The following AGL variants were observed in gnomAD, a reference collection of about 807,000 sequenced individuals.
AGL encodes glycogen debranching enzyme.
Under a neutral mutation model 199.3 loss-of-function variants are expected in AGL, and 128 were observed. That is an observed-to-expected ratio of 0.64 (90% CI 0.56 to 0.74). AGL has a LOEUF of 0.74. Among genes scored for constraint, AGL ranks in the 30% least tolerant of loss-of-function variants. The probability of loss-of-function intolerance (pLI) is 0.00; values close to 1 mark genes in which losing one functional copy is unlikely to be tolerated. For missense variants in AGL, 1,809 were observed against 1,820.8 expected (o/e 0.99, Z 0.12); for synonymous variants, 584 against 594.7 (o/e 0.98, Z 0.26).
chr1:99,856,477 GGGTGTTTCTCGCA>G, intron 2 of AGL, among the ~76,000 whole-genome samples: 1 of 147,178 alleles, frequency 6.8e-6, no homozygotes, highest in East Asian at 2.0e-4. Context: ...GATCATTCTT[GGGTGTTTCTCGCA>G]GAGGGGGATT....
At position 99,884,349 on chromosome 1, in the gene AGL, G is replaced by A; in HGVS notation, c.2444G>A (p.Ser815Asn). Residue 815 changes from serine to asparagine, a missense_variant, in exon 19 of 34, where the codon AGT (serine) becomes AAT (asparagine). Transcript: ENST00000361915. ...GTACTTTTTTTCAAGCTTAATGAAA[G>A]TAAAATTGTTAAACAAGCTGGAGTT... Reference protein sequence around the residue: ...EIREHIQLNESKIVKQAGVAT... With the variant: ...EIREHIQLNENKIVKQAGVAT... 6.2e-7 allele frequency: 1 copy of A among 1,610,410 alleles called. No individual in the cohort carries two copies. Among genetic ancestry groups the A allele is most frequent in the Non-Finnish European group, 8.5e-7 (1 of 1,177,644 alleles).
chr1:99,879,782 A>G (rs1306837505), intron 12 of AGL, 141 bp from the exon 13 acceptor site: 43 of 690,310 alleles, frequency 6.2e-5, no homozygotes, highest in Non-Finnish European at 9.3e-5. Context: ...TCTTGTTTCT[A>G]TGTGTTTTGG....
chr1:99,876,843 A>G (rs1651582574), intron 11 of AGL, among the ~76,000 whole-genome samples: 1 of 152,182 alleles, frequency 6.6e-6, no homozygotes, highest in African/African-American at 2.4e-5. Flanking sequence ...ACTTTTATGT[A>G]CTGTTTTCTA....
intron 5 of AGL, among the ~76,000 whole-genome samples, chr1:99,866,256 T>C (rs1014401654): frequency 6.6e-6 from 1 of 152,232 alleles, no homozygotes; most frequent in African/African-American, 2.4e-5. Flanking sequence ...CATAAGCAGC[T>C]ATAACAGAAA....
chr1:99,902,011 ATAAT>A (rs1174038478), intron 26 of AGL, among the ~76,000 whole-genome samples: 4 of 151,998 alleles, frequency 2.6e-5, no homozygotes, highest in Non-Finnish European at 5.9e-5. Flanking sequence ...TATAATTTTT[ATAAT>A]TAATAGTAGA....
At chr1:99,849,651 T>C (rs1228756893), upstream of AGL, among the ~76,000 whole-genome samples, 1 of 152,190 alleles carries the variant, frequency 6.6e-6, no homozygotes, top group Admixed American at 6.5e-5. Context: ...CTAGAAGTGA[T>C]GGACACGTGT....
At chr1:99,891,471 A>T in intron 22 of AGL, 115 bp downstream of exon 22, 1 of 1,508,150 alleles carries the variant, frequency 6.6e-7, no homozygotes, top group African/African-American at 1.4e-5. Flanking sequence ...TCCTTCCTTC[A>T]TCATCTTTCA....
chr1:99,905,986 A>G (rs1431918039), intron 27 of AGL, among the ~76,000 whole-genome samples: 2 of 152,094 alleles, frequency 1.3e-5, no homozygotes, highest in Non-Finnish European at 2.9e-5. Context: ...GACATAATGT[A>G]TATTTACCAT....
intron 24 of AGL, among the ~76,000 whole-genome samples, chr1:99,894,974 T>A (rs1472652648): frequency 6.6e-6 from 1 of 152,230 alleles, no homozygotes; most frequent in African/African-American, 2.4e-5. Flanking sequence ...AAGATAGTTA[T>A]AAGTGAATGC....
intron 25 of AGL, 150 bp downstream of exon 25, chr1:99,896,538 T>A: frequency 1.5e-6 from 1 of 688,298 alleles, no homozygotes; most frequent in Non-Finnish European, 2.5e-6. Flanking sequence ...TATGTTCACT[T>A]AATAGGATCA....
intron 2 of AGL, among the ~76,000 whole-genome samples, chr1:99,855,200 CAAAAAAA>C (rs1247216803): frequency 2.7e-5 from 4 of 145,878 alleles, no homozygotes; most frequent in African/African-American, 7.6e-5. Context: ...GACTCCGACT[CAAAAAAA>C]AAGAAAAAAG....
At chr1:99,854,871 T>C (rs1270623279) in intron 2 of AGL, among the ~76,000 whole-genome samples, 1 of 151,732 alleles carries the variant, frequency 6.6e-6, no homozygotes, top group Non-Finnish European at 1.5e-5. Flanking sequence ...AAAACACATC[T>C]GATTAAAGAA....
intron 3 of AGL, 36 bp downstream of exon 3, chr1:99,861,749 A>T: frequency 6.2e-7 from 1 of 1,606,424 alleles, no homozygotes; most frequent in South Asian, 1.1e-5. Context: ...AAAAAAAGTT[A>T]ATTTGTTCTG....
intron 24 of AGL, among the ~76,000 whole-genome samples, chr1:99,894,287 A>G (rs1037042879): frequency 6.6e-6 from 1 of 152,238 alleles, no homozygotes; most frequent in Non-Finnish European, 1.5e-5. Flanking sequence ...GAGGTCAAAA[A>G]GTTAATACAA....
chr1:99,861,036 A>C (rs916035552), intron 2 of AGL, among the ~76,000 whole-genome samples: 10 of 152,214 alleles, frequency 6.6e-5, no homozygotes, highest in Non-Finnish European at 1.5e-4. Flanking sequence ...ATGGTGAGAT[A>C]ATAGTCCCAT....
chr1:99,857,338 G>A (rs1374671056), intron 2 of AGL, among the ~76,000 whole-genome samples: 7 of 151,230 alleles, frequency 4.6e-5, no homozygotes, highest in African/African-American at 1.5e-4. Context: ...CTGGGCAGCC[G>A]GGCAGAGGGG....
rs759776211 is a variant in AGL, at chr1:99,892,643, C to T, written c.3259+36C>T. ...ATGTACAAGGTTAAAATATGTAAAT[C>T]GATAGTATTCGCGGAAGAAAAGTTA... On this transcript the variant is annotated intron_variant, in intron 24 of 33. Coordinates refer to ENST00000361915, the MANE Select transcript of AGL (RefSeq NM_000642.3). The T allele has an allele frequency of 3.1e-6, 5 of 1,591,740 alleles. No individual in the cohort carries two copies. Among genetic ancestry groups the T allele is most frequent in the South Asian group, 1.1e-5 (1 of 90,440 alleles).
intron 21 of AGL, among the ~76,000 whole-genome samples, chr1:99,889,270 CT>C (rs1033395984): frequency 6.6e-6 from 1 of 152,200 alleles, no homozygotes; most frequent in Non-Finnish European, 1.5e-5. Context: ...CTTTTTTATG[CT>C]TCTTGTCTTT....
chr1:99,916,742 A>G lies in AGL; in HGVS notation c.4481+11A>G. 1.2e-6 allele frequency: 2 copies of G among 1,612,086 alleles called. No homozygotes were observed. The highest frequency in any genetic ancestry group is 1.7e-6 in the Non-Finnish European group (2 of 1,178,414). On this transcript the variant is annotated intron_variant, in intron 33 of 33. Transcript: ENST00000361915. ...TGTTCATCTTGAGAGGTAAGTCATC[A>G]GGAGCATGTAATTTCCATAACTAGT...
Sources: gnomAD v4.1 joint callset for allele counts (sites outside exome capture counted in the v4.1 genomes callset) on GRCh38, gnomAD v4.1.1 for gene constraint, MANE v1.5 for transcripts, NCBI Gene and HGNC (gene_info 2026-07-23, HGNC 2026-07-21) for gene names.